Variants in GLOD5 observed in about 807,000 individuals in gnomAD.
GLOD5 encodes glyoxalase domain containing 5, also known as glyoxalase domain-containing protein 5.
In GLOD5, 7 loss-of-function variants were observed where a neutral mutation model predicts 9.9. The ratio of observed to expected loss-of-function variants is 0.71; its 90% CI spans 0.40 to 1.33. The LOEUF (loss-of-function observed/expected upper bound fraction) is 1.33. Among genes scored for constraint, GLOD5 ranks in the 40% most tolerant of loss-of-function variants. The pLI is 0.01. For synonymous variants in GLOD5, 49 were observed against 47.3 expected, an observed-to-expected ratio of 1.04 and a Z score of -0.14; for missense variants, 146 against 128.4, an observed-to-expected ratio of 1.14 and a Z score of -0.66.
chrX:48,766,941 GCATCAC>G (rs2062610598), intron 2 of GLOD5, among the ~76,000 whole-genome samples: 1 of 68,754 alleles, frequency 1.5e-5, no homozygotes, highest in East Asian at 5.0e-4. Context: ...AGCCGAGATC[GCATCAC>G]TGCACTCCAG....
intron 3 of GLOD5, 81 bp from the exon 4 acceptor site, chrX:48,773,229 C>CAAAA: frequency 1.1e-6 from 1 of 908,389 alleles, no homozygotes; most frequent in Admixed American, 3.0e-5. Context: ...GACTCTGTCA[C>CAAAA]AAAAAAAAAA....
chrX:48,763,857 C>T (rs1331620472), intron 1 of GLOD5, among the ~76,000 whole-genome samples: 2 of 112,253 alleles, frequency 1.8e-5, no homozygotes, highest in African/African-American at 6.5e-5. Flanking sequence ...GCTAATGCCT[C>T]CTCCACTCAG....
intron 1 of GLOD5, among the ~76,000 whole-genome samples, chrX:48,765,220 AG>A (rs1341628236): frequency 9.0e-6 from 1 of 110,564 alleles, no homozygotes; most frequent in East Asian, 2.8e-4. Context: ...AGGGAAAAAC[AG>A]GGGAGGGCAT....
chrX:48,773,071 A>G (rs952139374), intron 3 of GLOD5, among the ~76,000 whole-genome samples: 1 of 109,908 alleles, frequency 9.1e-6, no homozygotes, highest in East Asian at 2.9e-4. Flanking sequence ...CCTCGTCTCT[A>G]TGAAAAATAG....
At chrX:48,767,583 G>A (rs1204335467) in intron 2 of GLOD5, among the ~76,000 whole-genome samples, 1 of 111,655 alleles carries the variant, frequency 9.0e-6, no homozygotes. Context: ...GGTGGCGGGC[G>A]CCTGTAATCC....
Position 48,773,538 on chromosome X carries a change from T to G in GLOD5, c.*103T>G. ...CAGAGATCTCCAAAGACTGAGGACTTAGGCACTTCACACATCCTGCTGAGG... is the reference window on the plus strand; with the variant it reads ...CAGAGATCTCCAAAGACTGAGGACTGAGGCACTTCACACATCCTGCTGAGG... On this transcript the variant is annotated 3_prime_UTR_variant, in exon 4 of 4. Transcript: ENST00000303227. 1 of 931,907 alleles carries G rather than the reference T, an allele frequency of 1.1e-6. No individual in the cohort carries two copies. 76.8% of individuals were successfully genotyped at this position (931,907 alleles called of 1,213,427 possible).
rs1174222854 is a variant in GLOD5, at chrX:48,773,355, G to T, written c.403G>T (p.Ala135Ser). The change falls in exon 4 of 4, where the codon GCA (alanine) becomes TCA (serine). Residue 135 changes from alanine (A) to serine (S), a missense_variant. Physicochemically the swap from Ala to Ser is moderately conservative, Grantham distance 99 (BLOSUM62 1). Coordinates refer to ENST00000303227, the MANE Select transcript of GLOD5 (RefSeq NM_001080489.3). ...GGAGGGGCCAGTCCCCAGAACAGGGGCAAAAGGGCCTATCATGTCCATCTA... is the reference window on the plus strand; with the variant it reads ...GGAGGGGCCAGTCCCCAGAACAGGGTCAAAAGGGCCTATCATGTCCATCTA... Reference protein sequence around the residue: ...IEEGPVPRTGAKGPIMSIYFR... With the variant: ...IEEGPVPRTGSKGPIMSIYFR... 1 of 1,206,877 alleles carries T rather than the reference G, an allele frequency of 8.3e-7. No homozygotes were observed. Among genetic ancestry groups the T allele is most frequent in the Non-Finnish European group, 1.1e-6 (1 of 892,775 alleles).
intron 2 of GLOD5, among the ~76,000 whole-genome samples, chrX:48,767,004 A>AAAAAAAAAAAAAAAAAAAAAAAAAG (rs2062611317): frequency 1.1e-5 from 1 of 87,499 alleles, no homozygotes; most frequent in Non-Finnish European, 2.2e-5. Context: ...AAAAAAAAAA[A>AAAAAAAAAAAAAAAAAAAAAAAAAG]ACCAACATTG....
At chrX:48,766,985 C>CAAAAAAAAAAAAAGAAAAAAAAAAA (rs2062611022) in intron 2 of GLOD5, among the ~76,000 whole-genome samples, 1 of 3,020 alleles carries the variant, frequency 3.3e-4, no homozygotes, top group Non-Finnish European at 5.5e-4. Flanking sequence ...GATTCCATCT[C>CAAAAAAAAAAAAAGAAAAAAAAAAA]AAAAAAAAAA....
At chrX:48,765,664 C>T (rs879948882) in intron 1 of GLOD5, 171 bp from the exon 2 acceptor site, 2 of 546,404 alleles carry the variant, frequency 3.7e-6, no homozygotes, top group South Asian at 4.5e-5. Flanking sequence ...CTCATGAATC[C>T]ACACATGGGC....
At chrX:48,766,417 T>C (rs1227554316) in intron 2 of GLOD5, among the ~76,000 whole-genome samples, 4 of 111,973 alleles carry the variant, frequency 3.6e-5, no homozygotes, top group Non-Finnish European at 7.5e-5. Flanking sequence ...GGGAAAATTT[T>C]CCACCTAGAA....
intron 2 of GLOD5, among the ~76,000 whole-genome samples, chrX:48,768,620 T>C (rs1335737252): frequency 8.9e-6 from 1 of 111,977 alleles, no homozygotes; most frequent in African/African-American, 3.2e-5. Flanking sequence ...ATCAGACTTC[T>C]TAACAGCAAC....
At chrX:48,762,717 G>A (rs1408147746) in intron 1 of GLOD5, among the ~76,000 whole-genome samples, 1 of 111,376 alleles carries the variant, frequency 9.0e-6, no homozygotes, top group Admixed American at 9.6e-5. Flanking sequence ...GATTACAGAC[G>A]TGAGCCACTG....
chrX:48,773,022 G>C (rs1472821428), intron 3 of GLOD5, among the ~76,000 whole-genome samples: 5 of 110,370 alleles, frequency 4.5e-5, no homozygotes, highest in Non-Finnish European at 7.6e-5. Context: ...GATCACTTGA[G>C]GTCAGGAGTT....
At position 48,765,816 on chromosome X, in the gene GLOD5, CTTT is replaced by C. The variant is rs782283794; in HGVS notation, c.64-13_64-11del. The stretch of plus-strand genomic sequence containing the variant: ...CAAGTGGCAATGTGGTCTCTTCTGA[CTTT>C]TTTTTCTTTTTTTAGTCATGGAGGG... On this transcript the variant is annotated splice_polypyrimidine_tract_variant and intron_variant, in intron 1 of 3. Coordinates refer to ENST00000303227, the MANE Select transcript of GLOD5 (RefSeq NM_001080489.3). The C allele has an allele frequency of 8.5e-7, 1 of 1,172,286 alleles. No individual in the cohort carries two copies. The highest frequency in any genetic ancestry group is 3.0e-5 in the East Asian group (1 of 33,158).
rs782070567 is a variant in GLOD5, at chrX:48,773,462, C to G, written c.*27C>G. The G allele has an allele frequency of 2.1e-5, 25 of 1,200,212 alleles. No individual in the cohort carries two copies. The highest frequency in any genetic ancestry group is 2.8e-5 in the Non-Finnish European group (25 of 887,852). On this transcript the variant is annotated 3_prime_UTR_variant, in exon 4 of 4. Coordinates refer to ENST00000303227, the MANE Select transcript of GLOD5 (RefSeq NM_001080489.3). ...GGAGGCTGGACCTCCTCCATTCTGT[C>G]CCCCTTGATGTCGCCCTCTCCTTTC...
intron 3 of GLOD5, among the ~76,000 whole-genome samples, chrX:48,772,445 G>A (rs1425600002): frequency 9.0e-6 from 1 of 111,004 alleles, no homozygotes; most frequent in African/African-American, 3.3e-5. Flanking sequence ...GAGGCTAAGA[G>A]GTGGGAGGAT....
At position 48,773,342 on chromosome X, in the gene GLOD5, C is replaced by T. The variant is rs191924707; in HGVS notation, c.390C>T (p.Val130=). 9 of 1,207,689 alleles carry T rather than the reference C, an allele frequency of 7.5e-6. No homozygotes were observed. In the East Asian group the frequency reaches 2.1e-4, roughly 28 times the overall value. Residue 130 remains valine, a synonymous_variant, in exon 4 of 4, where the codon GTC becomes GTT. Coordinates refer to ENST00000303227, the MANE Select transcript of GLOD5 (RefSeq NM_001080489.3). ...ATGTCCCTATTGAGGAGGGGCCAGT[C>T]CCCAGAACAGGGGCAAAAGGGCCTA... is the stretch of plus-strand genomic sequence containing the variant. ...ACDVPIEEGP[V]PRTGAKGPIM...
At chrX:48,763,258 G>A (rs899285184) in intron 1 of GLOD5, among the ~76,000 whole-genome samples, 1 of 112,346 alleles carries the variant, frequency 8.9e-6, no homozygotes, top group Admixed American at 9.5e-5. Context: ...AATGTTAAAA[G>A]TTGATTCTTT....
Sources: allele counts gnomAD v4.1 joint callset (sites outside exome capture counted in the v4.1 genomes callset), GRCh38; gene constraint gnomAD v4.1.1; transcripts MANE v1.5; gene names NCBI Gene and HGNC (gene_info 2026-07-23, HGNC 2026-07-21).